The following KIF7 variants were observed in gnomAD, a reference collection of about 807,000 sequenced individuals.
KIF7 encodes kinesin-like protein KIF7.
KIF7 carries 104 observed loss-of-function variants against 135.7 expected under a neutral mutation model. That is an observed-to-expected ratio of 0.77 (90% CI 0.65 to 0.90). The LOEUF (loss-of-function observed/expected upper bound fraction) is 0.90. Ranked by LOEUF, KIF7 falls within the 40% of genes least tolerant of loss-of-function variation. The pLI, the probability that KIF7 is intolerant of heterozygous loss-of-function variation, is 0.00. For missense variants in KIF7, 2,005 were observed against 1,839.1 expected, an observed-to-expected ratio of 1.09 and a Z score of -1.65; for synonymous variants, 883 against 809.4, an observed-to-expected ratio of 1.09 and a Z score of -1.54.
At position 89,652,959 on chromosome 15, in the gene KIF7, GGA is replaced by G. The variant is rs781533296; in HGVS notation, c.-24-7_-24-6del. ...GAGGGAGGACTGCTCTGGGCCCTGT[GGA>G]GAGAGAGAGAAGCCCTGGCCATCAG... On this transcript the variant is annotated splice_polypyrimidine_tract_variant and splice_region_variant and intron_variant, in intron 1 of 18. Coordinates refer to ENST00000394412, the MANE Select transcript of KIF7 (RefSeq NM_198525.3). The G allele has an allele frequency of 2.3e-5, 33 of 1,466,584 alleles. No individual in the cohort carries two copies. The highest frequency in any genetic ancestry group is 5.0e-5 in the East Asian group (2 of 40,018). The allele number at this position is 1,466,584 out of a possible 1,614,324, so 90.8% of individuals were successfully genotyped here.
chr15:89,642,206 C>T lies in KIF7; in HGVS notation c.2391G>A (p.Val797=). ...RRRVAAAQSQ[V]QVLKEKKQAT... is the part of the protein sequence containing the mutation. ...ACCCTGAGGCCCCGAGACTAACCTG[C>T]ACCTGGCTCTGGGCCGCAGCGACCC... The change falls in exon 11 of 19, where the codon GTG becomes GTA. Residue 797 remains valine (V), a synonymous_variant. Coordinates refer to ENST00000394412, the MANE Select transcript of KIF7 (RefSeq NM_198525.3). The T allele has an allele frequency of 6.2e-7, 1 of 1,610,278 alleles. No individual in the cohort carries two copies. The highest frequency in any genetic ancestry group is 8.5e-7 in the Non-Finnish European group (1 of 1,179,518).
chr15:89,649,949 G>C lies in KIF7; in HGVS notation c.329-8C>G. 1 of 1,549,848 alleles carries C rather than the reference G, an allele frequency of 6.5e-7. No individual in the cohort carries two copies. The highest frequency in any genetic ancestry group is 8.7e-7 in the Non-Finnish European group (1 of 1,146,932). The stretch of plus-strand genomic sequence containing the variant: ...CATCCTCAAGGAGGGAGGCTGGGGA[G>C]ACACCGCAGGGCCTCCTGCCACTTC... On this transcript the variant is annotated splice_polypyrimidine_tract_variant and splice_region_variant and intron_variant, in intron 2 of 18. Coordinates refer to ENST00000394412, the MANE Select transcript of KIF7 (RefSeq NM_198525.3).
At position 89,631,715 on chromosome 15, in the gene KIF7, G is replaced by C; in HGVS notation, c.2896-5C>G. 6.5e-7 allele frequency: 1 copy of C among 1,549,642 alleles called. No individual in the cohort carries two copies. Among genetic ancestry groups the C allele is most frequent in the Non-Finnish European group, 8.7e-7 (1 of 1,145,464 alleles). On this transcript the variant is annotated splice_polypyrimidine_tract_variant and splice_region_variant and intron_variant, in intron 14 of 18. Transcript: ENST00000394412. ...CACGATGTCCTCGTTGAGGGCCTGG[G>C]GGCAGAATCACCAGGGATTAGAGAA...
chr15:89,656,172 T>A (rs1964204499), upstream of KIF7, among the ~76,000 whole-genome samples: 1 of 152,130 alleles, frequency 6.6e-6, no homozygotes, highest in South Asian at 2.1e-4. Flanking sequence ...GCCATAGAAA[T>A]TGCCAGGCTC....
intron 9 of KIF7, 70 bp downstream of exon 9, chr15:89,645,266 C>T: frequency 6.2e-7 from 1 of 1,601,014 alleles, no homozygotes; most frequent in Non-Finnish European, 8.5e-7. Context: ...GGGACTGTCC[C>T]AAGGTGGCTG....
intron 1 of KIF7, among the ~76,000 whole-genome samples, chr15:89,619,359 G>A (rs1468993086): frequency 6.6e-6 from 1 of 151,300 alleles, no homozygotes; most frequent in Non-Finnish European, 1.5e-5. Context: ...CCAAGTAGCT[G>A]GGGTTATAGG....
intron 16 of KIF7, chr15:89,630,016 C>G: frequency 1.8e-6 from 1 of 555,662 alleles, no homozygotes. Flanking sequence ...CACAAAAGGG[C>G]AAAAACTTCC....
chr15:89,628,412 C>CG lies in KIF7; in HGVS notation c.*6dup. The CG allele has an allele frequency of 6.2e-7, 1 of 1,600,880 alleles. No individual in the cohort carries two copies. Among genetic ancestry groups the CG allele is most frequent in the Non-Finnish European group, 8.5e-7 (1 of 1,173,690 alleles). On this transcript the variant is annotated 3_prime_UTR_variant, in exon 19 of 19. Transcript: ENST00000394412. ...TCTCCCTCCAAGGCAGGGTCTGCCC[C>CG]GAGGGCTTACAGGGGGTTTTTCCGG...
At chr15:89,620,466 C>T (rs1963405905) in intron 1 of KIF7, among the ~76,000 whole-genome samples, 1 of 152,078 alleles carries the variant, frequency 6.6e-6, no homozygotes, top group South Asian at 2.1e-4. Flanking sequence ...CCTCGGCCTC[C>T]CAAAGTGCTG....
At position 89,630,056 on chromosome 15, in the gene KIF7, A is replaced by T. The variant is rs2141995266; in HGVS notation, c.3318+231T>A. Reference sequence around the variant, plus strand: ...CTGAGAGCTACTATTGTGGCCATGGACCACCCTGAGGTTAGCCAATCAGAG... The same window carrying T: ...CTGAGAGCTACTATTGTGGCCATGGTCCACCCTGAGGTTAGCCAATCAGAG... On this transcript the variant is annotated intron_variant, in intron 16 of 18. Coordinates refer to ENST00000394412, the MANE Select transcript of KIF7 (RefSeq NM_198525.3). 1.0e-5 allele frequency: 6 copies of T among 588,414 alleles called. No homozygotes were observed. The African/African-American group carries it at 1.1e-4, about 11-fold the overall frequency. The allele number at this position is 588,414 out of a possible 1,614,324, so 36.4% of individuals were successfully genotyped here.
chr15:89,635,317 G>C (rs1379478991), intron 11 of KIF7, among the ~76,000 whole-genome samples: 3 of 152,366 alleles, frequency 2.0e-5, no homozygotes, highest in African/African-American at 7.2e-5. Flanking sequence ...ACGGAACAAA[G>C]CTGGATGGAG....
At chr15:89,632,690 A>AG in intron 14 of KIF7, 130 bp downstream of exon 14, 1 of 950,868 alleles carries the variant, frequency 1.1e-6, no homozygotes, top group Non-Finnish European at 1.6e-6. Flanking sequence ...ATCACTTGGA[A>AG]GGACCTCACT....
rs746429585 is a variant in KIF7 at position 89,652,780 on chromosome 15, G to A, written c.151C>T (p.Arg51Cys). Residue 51 changes from arginine (R) to cysteine (C), a missense_variant, in exon 2 of 19, where the codon CGT becomes TGT. Arg to Cys is a radical substitution (Grantham distance 180). Coordinates refer to ENST00000394412, the MANE Select transcript of KIF7 (RefSeq NM_198525.3). ...EPGLGRVTLG[R>C]DRHFGFHVVL... ...ACGTGGAAGCCAAAGTGTCGGTCAC[G>A]GCCCAGAGTGACGCGGCCAAGCCCT... is the stretch of plus-strand genomic sequence containing the variant. 19 of 1,551,358 alleles carry A rather than the reference G, an allele frequency of 1.2e-5. No homozygotes were observed. Among genetic ancestry groups the A allele is most frequent in the African/African-American group, 2.7e-5 (2 of 73,074 alleles).
At chr15:89,655,561 G>A (rs1204248342), upstream of KIF7, 2 of 152,062 alleles carry the variant, frequency 1.3e-5, no homozygotes, top group African/African-American at 4.8e-5. Flanking sequence ...CGAGCCGGTC[G>A]GCGTCGCGGA....
At chr15:89,624,872 C>T (rs147543882), downstream of KIF7, 1 of 1,613,892 alleles carries the variant, frequency 6.2e-7, no homozygotes, top group Non-Finnish European at 8.5e-7. Context: ...CCTCTGATGC[C>T]TTCCCGTGAC....
downstream of KIF7, among the ~76,000 whole-genome samples, chr15:89,626,551 G>A (rs1416724905): frequency 6.6e-6 from 1 of 152,124 alleles, no homozygotes; most frequent in East Asian, 1.9e-4. Context: ...TAACTGCCCT[G>A]GTTAGCAATG....
chr15:89,624,838 C>T (rs1392870905), downstream of KIF7: 1 of 1,614,154 alleles, frequency 6.2e-7, no homozygotes, highest in Non-Finnish European at 8.5e-7. Flanking sequence ...TCCCCCATCT[C>T]CTCCTTCCTG....
chr15:89,652,236 C>T (rs1018564976), intron 2 of KIF7, among the ~76,000 whole-genome samples: 1 of 152,184 alleles, frequency 6.6e-6, no homozygotes, highest in Non-Finnish European at 1.5e-5. Flanking sequence ...GGACACACGG[C>T]CCCCATTCCC....
At position 89,630,412 on chromosome 15, in the gene KIF7, A is replaced by T. The variant is rs1405282773; in HGVS notation, c.3193T>A (p.Cys1065Ser). The T allele has an allele frequency of 6.2e-7, 1 of 1,609,466 alleles. No individual in the cohort carries two copies. Among genetic ancestry groups the T allele is most frequent in the East Asian group, 2.2e-5 (1 of 44,800 alleles). ...AIEYKNEAIT[C>S]RQRVLRASAS... ...GAGGCCCGAAGCACCCGCTGGCGGC[A>T]TGTGATGGCCTCATTCTTATACTCA... is the stretch of plus-strand genomic sequence containing the variant. The change falls in exon 16 of 19, where the codon TGC becomes AGC. Residue 1065 changes from cysteine to serine, a missense_variant. By Grantham distance (112) the Cys-to-Ser change is moderately radical (BLOSUM62 -1). Transcript: ENST00000394412.
Sources: gnomAD v4.1 joint callset for allele counts (sites outside exome capture counted in the v4.1 genomes callset) on GRCh38, gnomAD v4.1.1 for gene constraint, MANE v1.5 for transcripts, NCBI Gene and HGNC (gene_info 2026-07-23, HGNC 2026-07-21) for gene names.